The following IL34 variants were observed in gnomAD, a reference collection of about 807,000 sequenced individuals.
IL34 encodes the protein interleukin-34.
Under a neutral mutation model 25.3 loss-of-function variants are expected in IL34, and 17 were observed. The observed-to-expected ratio is 0.67, with a 90% CI of 0.46 to 1.01. The LOEUF (loss-of-function observed/expected upper bound fraction) is 1.01. Ranked by LOEUF, IL34 falls within the 50% of genes least tolerant of loss-of-function variation. IL34 has a pLI of 0.00. For missense variants in IL34, 368 were observed against 312.9 expected (o/e 1.18, Z -1.33); for synonymous variants, 174 against 140.9 (o/e 1.23, Z -1.66).
chr16:70,634,232 T>A (rs1379932767), intron 1 of IL34, among the ~76,000 whole-genome samples: 1 of 152,172 alleles, frequency 6.6e-6, no homozygotes, highest in African/African-American at 2.4e-5. Flanking sequence ...TGACTAATGA[T>A]GTATGCAAAT....
At chr16:70,653,346 C>CAAAAAAAA (rs200626111) in intron 1 of IL34, among the ~76,000 whole-genome samples, 80 of 86,878 alleles carry the variant, frequency 9.2e-4, no homozygotes, top group South Asian at 2.6e-3. Flanking sequence ...AACCCTGTCT[C>CAAAAAAAA]AAAAAAAAAA....
In IL34 at chr16:70,646,946, C is replaced by A. The variant is rs142146633; in HGVS notation, c.-2C>A. The A allele has an allele frequency of 8.6e-4, 1,274 of 1,474,932 alleles. 8 individuals carry two copies. The highest frequency in any genetic ancestry group is 1.6e-3 in the African/African-American group (111 of 67,468). The allele number at this position is 1,474,932 out of a possible 1,614,324, so 91.4% of individuals were successfully genotyped here. A position where few individuals can be genotyped will look rare whatever the true frequency, so the allele number is the denominator to read the frequency against. On this transcript the variant is annotated 5_prime_UTR_variant, in exon 1 of 6. Coordinates refer to ENST00000288098, the MANE Select transcript of IL34 (RefSeq NM_001393494.1). ...GCTCTCAGGGGGACGAGGAACACCACCATGCCCCGGGGCTTCACCTGGCTG... is the reference window on the plus strand; with the variant it reads ...GCTCTCAGGGGGACGAGGAACACCAACATGCCCCGGGGCTTCACCTGGCTG...
chr16:70,644,450 TC>T (rs2051859021), upstream of IL34, among the ~76,000 whole-genome samples: 1 of 152,118 alleles, frequency 6.6e-6, no homozygotes, highest in Non-Finnish European at 1.5e-5. Context: ...TTAGACAACT[TC>T]CACTATAAAG....
In IL34 at chr16:70,660,435, T is replaced by A. The variant is rs2052378188; in HGVS notation, c.*248T>A. 2 of 439,130 alleles carry A rather than the reference T, an allele frequency of 4.6e-6. No homozygotes were observed. 27.2% of individuals were successfully genotyped at this position (439,130 alleles called of 1,614,324 possible). ...TGAAGGTGGATGGGGACACAGCTCC[T>A]GGCTTCTCCTGGTGCTGCCCTCACT... On this transcript the variant is annotated 3_prime_UTR_variant, in exon 6 of 6. Transcript: ENST00000288098.
intron 1 of IL34, among the ~76,000 whole-genome samples, chr16:70,586,101 G>T (rs1289217652): frequency 6.6e-6 from 1 of 152,076 alleles, no homozygotes; most frequent in Non-Finnish European, 1.5e-5. Context: ...CAAAGTGCTG[G>T]GATTACAGGC....
chr16:70,622,252 C>T (rs1237978169), intron 1 of IL34, among the ~76,000 whole-genome samples: 1 of 152,014 alleles, frequency 6.6e-6, no homozygotes, highest in Non-Finnish European at 1.5e-5. Flanking sequence ...GTGAAAGTGT[C>T]TATTTAGACT....
At chr16:70,649,512 G>A (rs1164654754) in intron 1 of IL34, among the ~76,000 whole-genome samples, 2 of 152,142 alleles carry the variant, frequency 1.3e-5, no homozygotes, top group African/African-American at 4.8e-5. Context: ...CCTCAGTTTG[G>A]TCCAGTGTCA....
chr16:70,651,243 A>T (rs1029222769), intron 1 of IL34, among the ~76,000 whole-genome samples: 1 of 152,154 alleles, frequency 6.6e-6, no homozygotes, highest in South Asian at 2.1e-4. Context: ...GAGGGTACCT[A>T]GCGCAGGGCA....
chr16:70,641,567 T>C (rs2051785839), upstream of IL34, among the ~76,000 whole-genome samples: 1 of 145,716 alleles, frequency 6.9e-6, no homozygotes, highest in African/African-American at 2.5e-5. Context: ...CTTTCTTTCT[T>C]TTTTTTTTTA....
intron 1 of IL34, among the ~76,000 whole-genome samples, chr16:70,613,642 G>A (rs146650862): frequency 7.8e-4 from 118 of 152,210 alleles, no homozygotes; most frequent in African/African-American, 2.7e-3. Flanking sequence ...GGGAGGCTGC[G>A]GTGGGTGGAT....
chr16:70,623,385 C>T (rs377424351), intron 1 of IL34, among the ~76,000 whole-genome samples: 166 of 152,166 alleles, frequency 1.1e-3, no homozygotes, highest in South Asian at 4.4e-3. Context: ...TGATAAGGCA[C>T]AGATCCTGAA....
At chr16:70,627,444 G>A (rs897706053) in intron 1 of IL34, among the ~76,000 whole-genome samples, 28 of 18,524 alleles carry the variant, frequency 1.5e-3, no homozygotes, top group East Asian at 6.3e-3. Context: ...CTCCCCCTCC[G>A]CTCCCCTCCC....
At chr16:70,654,396 A>G in intron 1 of IL34, 142 bp from the exon 2 acceptor site, 1 of 1,127,012 alleles carries the variant, frequency 8.9e-7, no homozygotes, top group Non-Finnish European at 1.2e-6. Flanking sequence ...AGCATTCCAG[A>G]TCCCGTGCCC....
intron 1 of IL34, among the ~76,000 whole-genome samples, chr16:70,617,621 G>A (rs1327528208): frequency 1.3e-5 from 2 of 152,188 alleles, no homozygotes; most frequent in Non-Finnish European, 1.5e-5. Context: ...TCTGAGAAGG[G>A]AAAGTGGTAA....
chr16:70,593,726 T>A (rs181623550), intron 1 of IL34, among the ~76,000 whole-genome samples: 15 of 152,154 alleles, frequency 9.9e-5, no homozygotes, highest in African/African-American at 3.4e-4. Flanking sequence ...GGGGTCTTGC[T>A]GTGTTGCCCA....
chr16:70,628,128 T>C (rs1369358561), intron 1 of IL34, among the ~76,000 whole-genome samples: 1 of 152,230 alleles, frequency 6.6e-6, no homozygotes, highest in Non-Finnish European at 1.5e-5. Context: ...TTAATTTTAT[T>C]CACTCTAGGG....
At chr16:70,616,092 ATAC>A (rs2051168639) in intron 1 of IL34, among the ~76,000 whole-genome samples, 1 of 152,222 alleles carries the variant, frequency 6.6e-6, no homozygotes, top group African/African-American at 2.4e-5. Context: ...CTATCATGCT[ATAC>A]TACTGTGTGG....
chr16:70,636,992 G>T (rs904009196), intron 1 of IL34, among the ~76,000 whole-genome samples: 8 of 151,788 alleles, frequency 5.3e-5, no homozygotes, highest in Admixed American at 4.0e-4. Flanking sequence ...CCATTCTCCT[G>T]CCTCAGCCTC....
intron 2 of IL34, among the ~76,000 whole-genome samples, chr16:70,654,967 C>T (rs111628529): frequency 0.017 from 2,620 of 152,298 alleles, 27 homozygotes; most frequent in Middle Eastern, 0.037. Flanking sequence ...TGACAAACCC[C>T]AGGCACTTAT....
Sources: allele counts gnomAD v4.1 joint callset (sites outside exome capture counted in the v4.1 genomes callset), GRCh38; gene constraint gnomAD v4.1.1; transcripts MANE v1.5; gene names NCBI Gene and HGNC (gene_info 2026-07-23, HGNC 2026-07-21).